ST7: variants seen among roughly 807,000 people sequenced by gnomAD.
The protein encoded by ST7 is suppression of tumorigenicity 7.
Under a neutral mutation model 78.7 loss-of-function variants are expected in ST7, and 28 were observed. The ratio of observed to expected loss-of-function variants is 0.36; its 90% confidence interval spans 0.26 to 0.49. The LOEUF (loss-of-function observed/expected upper bound fraction) is 0.49. ST7 is among the 20% of genes least tolerant of loss of function. ST7 has a pLI of 0.99. For missense variants in ST7, 418 were observed against 696.0 expected, an observed-to-expected ratio of 0.60 and a Z score of 4.49; for synonymous variants, 247 against 249.6, an observed-to-expected ratio of 0.99 and a Z score of 0.10.
At chr7:117,000,035 T>C (rs1794851606) in intron 1 of ST7, among the ~76,000 whole-genome samples, 1 of 152,066 alleles carries the variant, frequency 6.6e-6, no homozygotes, top group Admixed American at 6.6e-5. Context: ...ATGGTCTCGA[T>C]CTCCTGACCT....
chr7:117,150,054 C>A (rs1216763011), intron 9 of ST7, among the ~76,000 whole-genome samples: 1 of 152,172 alleles, frequency 6.6e-6, no homozygotes, highest in East Asian at 1.9e-4. Flanking sequence ...CTGTGTCGTT[C>A]ATTATCCAGA....
intron 10 of ST7, among the ~76,000 whole-genome samples, chr7:117,178,433 A>C (rs775867555): frequency 3.9e-5 from 6 of 152,212 alleles, no homozygotes; most frequent in Non-Finnish European, 7.3e-5. Flanking sequence ...CCTTGAGAGC[A>C]AACTCATGCC....
At chr7:117,030,913 A>G (rs1008203274) in intron 1 of ST7, among the ~76,000 whole-genome samples, 1 of 152,202 alleles carries the variant, frequency 6.6e-6, no homozygotes, top group African/African-American at 2.4e-5. Context: ...ACTATTCATA[A>G]TATCAAAGAC....
chr7:117,080,202 G>A (rs1352034073), intron 1 of ST7, among the ~76,000 whole-genome samples: 1 of 151,714 alleles, frequency 6.6e-6, no homozygotes, highest in Non-Finnish European at 1.5e-5. Flanking sequence ...GGATGGTCTC[G>A]ATCTCCTGAC....
chr7:117,047,918 G>T (rs563841096), intron 1 of ST7, among the ~76,000 whole-genome samples: 2 of 152,164 alleles, frequency 1.3e-5, no homozygotes, highest in Non-Finnish European at 2.9e-5. Flanking sequence ...TAACCCATGT[G>T]CAGTCAAAAA....
intron 9 of ST7, among the ~76,000 whole-genome samples, chr7:117,138,962 C>T (rs892310840): frequency 1.3e-5 from 2 of 152,000 alleles, no homozygotes; most frequent in African/African-American, 2.4e-5. Flanking sequence ...TAGGAAGATT[C>T]GAATTAATTA....
At chr7:117,049,309 G>T (rs1797649801) in intron 1 of ST7, among the ~76,000 whole-genome samples, 10 of 152,150 alleles carry the variant, frequency 6.6e-5, no homozygotes, top group Admixed American at 6.5e-4. Context: ...AACCTGTTCA[G>T]GTAGGTATCC....
chr7:117,029,476 T>C (rs1249031786), intron 1 of ST7, among the ~76,000 whole-genome samples: 3 of 152,184 alleles, frequency 2.0e-5, no homozygotes, highest in African/African-American at 7.2e-5. Flanking sequence ...TCTTCATATA[T>C]TTTGATACAA....
chr7:117,185,232 G>A (rs1387794621), intron 10 of ST7, among the ~76,000 whole-genome samples: 4 of 152,174 alleles, frequency 2.6e-5, no homozygotes. Flanking sequence ...GTATGTGAAA[G>A]TTACATCTGA....
intron 1 of ST7, among the ~76,000 whole-genome samples, chr7:117,048,681 T>C (rs1241320558): frequency 6.6e-6 from 1 of 152,220 alleles, no homozygotes; most frequent in African/African-American, 2.4e-5. Context: ...TGGGAAGTCA[T>C]GCACAACATC....
rs1457718203 is a variant in ST7 at position 117,125,997 on chromosome 7, AG to A, written c.395-3793del. ...TTCTGTACTTTTTACTTATGTAAAA[AG>A]GGTGTAATATATACCCCTAACTAAT... On this transcript the variant is annotated intron_variant, in intron 3 of 15. Coordinates refer to ENST00000323984, the MANE Select transcript of ST7 (RefSeq NM_001369598.1). 4.6e-5 allele frequency among the ~76,000 whole-genome samples: 7 copies of A among 152,046 alleles called. No homozygotes were observed. In the South Asian group the frequency reaches 1.5e-3, roughly 32 times the overall value.
intron 12 of ST7, chr7:117,198,616 A>G (rs893856695): frequency 1.4e-5 from 3 of 214,650 alleles, no homozygotes; most frequent in African/African-American, 7.0e-5. Flanking sequence ...GCCTGGTACC[A>G]TCCTTGCTCC....
intron 9 of ST7, among the ~76,000 whole-genome samples, chr7:117,149,165 C>A (rs2117141751): frequency 6.6e-6 from 1 of 152,190 alleles, no homozygotes; most frequent in Non-Finnish European, 1.5e-5. Context: ...GGGAAGTTAC[C>A]TTTGTGACTC....
intron 12 of ST7, chr7:117,198,225 T>G (rs1381735481): frequency 2.5e-6 from 1 of 393,608 alleles, no homozygotes; most frequent in Non-Finnish European, 5.1e-6. Flanking sequence ...GTAAATGAAA[T>G]TACATCGTGT....
Position 117,102,562 on chromosome 7 carries a change from C to T in ST7, c.234+2718C>T, listed in dbSNP as rs146950055. On this transcript the variant is annotated intron_variant, in intron 2 of 15. Coordinates refer to ENST00000323984, the MANE Select transcript of ST7 (RefSeq NM_001369598.1). ...GCTGAAGGTATGGGAATGAATCTCT[C>T]AATCCAAAGGTTTCTAACTTTATTA... Among the ~76,000 whole-genome samples the T allele has an allele frequency of 2.8e-3, 422 of 152,220 alleles. 1 individual carries two copies. Among genetic ancestry groups the T allele is most frequent in the Middle Eastern group, 0.01 (3 of 294 alleles).
At chr7:117,000,289 T>C (rs1794880178) in intron 1 of ST7, among the ~76,000 whole-genome samples, 1 of 152,208 alleles carries the variant, frequency 6.6e-6, no homozygotes, top group Non-Finnish European at 1.5e-5. Context: ...CGTTGTCCAA[T>C]AGAACTTTCT....
chr7:116,972,824 G>T (rs1793500381), intron 1 of ST7: 2 of 1,049,762 alleles, frequency 1.9e-6, no homozygotes, highest in South Asian at 1.3e-5. Flanking sequence ...CACTGGAGAC[G>T]ATCAGCTCGC....
At chr7:117,003,217 C>T (rs1795019646) in intron 1 of ST7, among the ~76,000 whole-genome samples, 1 of 151,934 alleles carries the variant, frequency 6.6e-6, no homozygotes, top group Non-Finnish European at 1.5e-5. Flanking sequence ...GTGTCATGAG[C>T]CCCACCTGGG....
At chr7:117,138,076 TC>T (rs1436348975) in intron 8 of ST7, among the ~76,000 whole-genome samples, 1 of 152,118 alleles carries the variant, frequency 6.6e-6, no homozygotes, top group Non-Finnish European at 1.5e-5. Context: ...AAAAAATAGT[TC>T]ATCAGGATGT....
Sources: gnomAD v4.1 joint callset for allele counts (sites outside exome capture counted in the v4.1 genomes callset) on GRCh38, gnomAD v4.1.1 for gene constraint, MANE v1.5 for transcripts, NCBI Gene and HGNC (gene_info 2026-07-23, HGNC 2026-07-21) for gene names.